The following VAT1L variants were observed in gnomAD, a reference collection of about 807,000 sequenced individuals.
VAT1L encodes the protein vesicle amine transport 1 like.
In VAT1L, 34 loss-of-function variants were observed where a neutral mutation model predicts 44.1. The ratio of observed to expected loss-of-function variants is 0.77; its 90% CI spans 0.59 to 1.03. VAT1L has a LOEUF of 1.03. VAT1L is among the 50% of genes least tolerant of loss of function. The probability of loss-of-function intolerance (pLI) is 0.00; values close to 1 mark genes in which losing one functional copy is unlikely to be tolerated. For synonymous variants in VAT1L, 253 were observed against 202.2 expected, an observed-to-expected ratio of 1.25 and a Z score of -2.13; for missense variants, 615 against 538.8, an observed-to-expected ratio of 1.14 and a Z score of -1.40.
chr16:77,933,118 G>C (rs542538524), intron 7 of VAT1L, among the ~76,000 whole-genome samples: 50 of 152,310 alleles, frequency 3.3e-4, no homozygotes, highest in African/African-American at 1.2e-3. Flanking sequence ...TAAGTTCTTA[G>C]TCATTCCAGT....
At chr16:77,897,397 C>T (rs148727839) in intron 7 of VAT1L, among the ~76,000 whole-genome samples, 10 of 152,280 alleles carry the variant, frequency 6.6e-5, no homozygotes, top group African/African-American at 1.9e-4. Flanking sequence ...TCTGCTGACA[C>T]GAGGCATATT....
intron 2 of VAT1L, among the ~76,000 whole-genome samples, chr16:77,817,589 G>A (rs544872738): frequency 6.6e-6 from 1 of 152,324 alleles, no homozygotes; most frequent in East Asian, 1.9e-4. Context: ...TACCTGATAA[G>A]TAGAACAGAA....
At chr16:77,959,434 G>A (rs1258307288) in intron 7 of VAT1L, among the ~76,000 whole-genome samples, 1 of 152,174 alleles carries the variant, frequency 6.6e-6, no homozygotes, top group African/African-American at 2.4e-5. Context: ...CCCAAAGATG[G>A]ATATTGTTAA....
chr16:77,931,891 A>G (rs967938419), intron 7 of VAT1L, among the ~76,000 whole-genome samples: 1 of 152,168 alleles, frequency 6.6e-6, no homozygotes, highest in Non-Finnish European at 1.5e-5. Flanking sequence ...TATTTTTTAT[A>G]GGAAAACTTT....
At chr16:77,864,492 G>C (rs1052992085) in intron 4 of VAT1L, among the ~76,000 whole-genome samples, 1 of 152,196 alleles carries the variant, frequency 6.6e-6, no homozygotes, top group Non-Finnish European at 1.5e-5. Flanking sequence ...TGTAGTCTCA[G>C]CTACTCAGAA....
chr16:77,903,337 T>A (rs1222453375), intron 7 of VAT1L, among the ~76,000 whole-genome samples: 2 of 152,232 alleles, frequency 1.3e-5, no homozygotes, highest in Admixed American at 1.3e-4. Context: ...AGTCCAAGGC[T>A]TAAAAATGCA....
intron 3 of VAT1L, among the ~76,000 whole-genome samples, chr16:77,834,788 C>G (rs562421903): frequency 2.0e-5 from 3 of 152,314 alleles, no homozygotes; most frequent in East Asian, 3.9e-4. Flanking sequence ...CTCCTCATCC[C>G]TTCATTTTCC....
rs571833457 is a variant in VAT1L at position 77,879,315 on chromosome 16, A to G, written c.882+91A>G. On this transcript the variant is annotated intron_variant, in intron 6 of 8. Coordinates refer to ENST00000302536, the MANE Select transcript of VAT1L (RefSeq NM_020927.3). This position sits in a 1 kb window ranked among gnomAD's most constrained non-coding sequence, Gnocchi z 4.1. ...TTTGTTTGTTTGTTTGTTTTGAGAC[A>G]GCGTCTCGTTCTGTCACCAGGCTGG... The G allele has an allele frequency of 5.7e-6, 8 of 1,405,386 alleles. No individual in the cohort carries two copies. In the South Asian group the frequency reaches 9.3e-5, roughly 16 times the overall value. The allele number at this position is 1,405,386 out of a possible 1,614,324, so 87.1% of individuals were successfully genotyped here.
At chr16:77,936,685 CAGGAAG>C (rs2142507354) in intron 7 of VAT1L, among the ~76,000 whole-genome samples, 1 of 152,256 alleles carries the variant, frequency 6.6e-6, no homozygotes, top group East Asian at 1.9e-4. Flanking sequence ...AGGTTCCACA[CAGGAAG>C]AGGAGGGGCC....
Position 77,798,059 on chromosome 16 carries a change from C to G in VAT1L, c.233+9144C>G, listed in dbSNP as rs181407020. ...AGCATCTGTCCTCAGTCTCCTGTCA[C>G]TGACCCCTGAGGTCTCATCCCCAGA... On this transcript the variant is annotated intron_variant, in intron 1 of 8. Transcript: ENST00000302536. Among the ~76,000 whole-genome samples, 610 of 152,296 alleles carry G rather than the reference C, an allele frequency of 4.0e-3. 3 individuals carry two copies. Among genetic ancestry groups the G allele is most frequent in the African/African-American group, 0.014 (582 of 41,560 alleles).
chr16:77,866,500 A>C (rs74641882), intron 4 of VAT1L, among the ~76,000 whole-genome samples: 1,529 of 152,304 alleles, frequency 0.01, 36 homozygotes, highest in African/African-American at 0.035. Flanking sequence ...TTAAAATGAA[A>C]GGAAAGGGAA....
chr16:77,904,936 A>G (rs973364997), intron 7 of VAT1L, among the ~76,000 whole-genome samples: 1 of 152,296 alleles, frequency 6.6e-6, no homozygotes, highest in South Asian at 2.1e-4. Context: ...GGACAAGGCC[A>G]TGAAGAGTTA....
intron 7 of VAT1L, among the ~76,000 whole-genome samples, chr16:77,900,105 C>T (rs533483984): frequency 6.6e-6 from 1 of 152,230 alleles, no homozygotes; most frequent in South Asian, 2.1e-4. Flanking sequence ...GGGGATGAAG[C>T]CCCATAGTAA....
intron 1 of VAT1L, among the ~76,000 whole-genome samples, chr16:77,795,813 CTTTTTTTTTTT>C (rs56725954): frequency 6.0e-5 from 6 of 100,582 alleles, no homozygotes; most frequent in Non-Finnish European, 7.8e-5. Flanking sequence ...CCTTTTTTCT[CTTTTTTTTTTT>C]TTTTTTTTTT....
chr16:77,910,879 C>A (rs983191705), intron 7 of VAT1L, among the ~76,000 whole-genome samples: 2 of 152,096 alleles, frequency 1.3e-5, no homozygotes, highest in Non-Finnish European at 2.9e-5. Context: ...AAGAGCATTA[C>A]GACAGTACAT....
At chr16:77,918,400 C>G (rs1406289797) in intron 7 of VAT1L, among the ~76,000 whole-genome samples, 7 of 152,186 alleles carry the variant, frequency 4.6e-5, no homozygotes. Flanking sequence ...CTTCTTCCCC[C>G]CAAAAGTCTC....
intron 4 of VAT1L, among the ~76,000 whole-genome samples, chr16:77,864,812 A>G (rs994772429): frequency 1.3e-5 from 2 of 152,142 alleles, no homozygotes; most frequent in Admixed American, 6.5e-5. Flanking sequence ...ATATAATTTA[A>G]GGTTGTCCCA....
rs66461822 is a variant in VAT1L at position 77,946,279 on chromosome 16, C to CTTT, written c.1078-25551_1078-25549dup. On this transcript the variant is annotated intron_variant, in intron 7 of 8. Transcript: ENST00000302536. ...GTTCTGGACATCTAGGTTACTTGTTCTTTTTTTTTTTTTTTTTTTTTTGAG... is the reference window on the plus strand; with the variant it reads ...GTTCTGGACATCTAGGTTACTTGTTCTTTTTTTTTTTTTTTTTTTTTTTTTGAG... Among the ~76,000 whole-genome samples, 30 of 70,422 alleles carry CTTT rather than the reference C, an allele frequency of 4.3e-4. 11 individuals carry two copies. Among genetic ancestry groups the CTTT allele is most frequent in the East Asian group, 3.7e-3 (6 of 1,630 alleles). 46.2% of individuals were successfully genotyped at this position (70,422 alleles called of 152,430 possible). A position where few individuals can be genotyped will look rare whatever the true frequency, so the allele number is the denominator to read the frequency against.
At chr16:77,837,550 C>T (rs913105938) in intron 3 of VAT1L, among the ~76,000 whole-genome samples, 3 of 152,008 alleles carry the variant, frequency 2.0e-5, no homozygotes, top group African/African-American at 2.4e-5. Context: ...GGTGCTGCTT[C>T]GGAAATATTT....
Sources: allele counts gnomAD v4.1 joint callset (sites outside exome capture counted in the v4.1 genomes callset), GRCh38; gene constraint gnomAD v4.1.1; non-coding constraint Gnocchi (gnomAD v3.1); transcripts MANE v1.5; gene names NCBI Gene and HGNC (gene_info 2026-07-23, HGNC 2026-07-21).